Variants in ZMYM1 observed in about 807,000 individuals in gnomAD.
ZMYM1 encodes zinc finger MYM-type containing 1, also known as zinc finger MYM-type protein 1.
ZMYM1 carries 39 observed loss-of-function variants against 60.0 expected under a neutral mutation model. The ratio of observed to expected loss-of-function variants is 0.65; its 90% CI spans 0.50 to 0.85. The LOEUF (loss-of-function observed/expected upper bound fraction) is 0.85, where lower values mean the gene tolerates loss of function less well. ZMYM1 is among the 40% of genes least tolerant of loss of function. The probability of loss-of-function intolerance (pLI) is 0.00; values close to 1 mark genes in which losing one functional copy is unlikely to be tolerated. For missense variants in ZMYM1, 1,171 were observed against 1,309.5 expected (o/e 0.89, Z 1.63); for synonymous variants, 413 against 454.0 (o/e 0.91, Z 1.15).
At chr1:35,067,194 G>T (rs1298104120) in intron 1 of ZMYM1, among the ~76,000 whole-genome samples, 1 of 152,028 alleles carries the variant, frequency 6.6e-6, no homozygotes, top group Non-Finnish European at 1.5e-5. Context: ...GACCAGGTTG[G>T]TCTTGAACTC....
chr1:35,088,212 G>A (rs1021453103), intron 1 of ZMYM1, among the ~76,000 whole-genome samples: 8 of 151,866 alleles, frequency 5.3e-5, no homozygotes, highest in Non-Finnish European at 1.0e-4. Context: ...AAGGTCAGGT[G>A]ATCGAGACCA....
At chr1:35,109,381 AT>A (rs1456017346) in intron 6 of ZMYM1, among the ~76,000 whole-genome samples, 1 of 152,196 alleles carries the variant, frequency 6.6e-6, no homozygotes, top group Non-Finnish European at 1.5e-5. Context: ...ACTAGAAAGA[AT>A]AGGTGGTGAG....
At chr1:35,072,254 G>T (rs1157556839) in intron 1 of ZMYM1, among the ~76,000 whole-genome samples, 2 of 152,098 alleles carry the variant, frequency 1.3e-5, no homozygotes, top group African/African-American at 2.4e-5. Context: ...ACTCATTTTT[G>T]CTCTGTTCAG....
rs753654740 is a variant in ZMYM1 at position 35,113,631 on chromosome 1, A to G, written c.1801A>G (p.Thr601Ala). The change falls in exon 10 of 10, where the codon ACA becomes GCA. Residue 601 changes from threonine to alanine, a missense_variant. Transcript: ENST00000359858. ...GAGAGCAAAAGATAAAGGAGAAGAA[A>G]CATTTCGACTTATGAATTCACAAGT... ...EMRAKDKGEE[T>A]FRLMNSQVDF... 6.2e-7 allele frequency: 1 copy of G among 1,612,788 alleles called. No individual in the cohort carries two copies. The highest frequency in any genetic ancestry group is 2.2e-5 in the East Asian group (1 of 44,854).
At chr1:35,095,501 G>GAA (rs60070624) in intron 2 of ZMYM1, among the ~76,000 whole-genome samples, 2,173 of 107,900 alleles carry the variant, frequency 0.02, 47 homozygotes, top group African/African-American at 0.061. Flanking sequence ...AAAAAAAAAA[G>GAA]AAAAAAAAAA....
At chr1:35,073,338 A>AAGGAAGGAAGGAAGGAAGGAAGG (rs1553136867) in intron 1 of ZMYM1, among the ~76,000 whole-genome samples, 42 of 115,772 alleles carry the variant, frequency 3.6e-4, no homozygotes, top group East Asian at 3.4e-3. Flanking sequence ...AGAAAGAAAG[A>AAGGAAGGAAGGAAGGAAGGAAGG]AAGGAAGGAA....
chr1:35,113,225 G>A lies in ZMYM1; in HGVS notation c.1395G>A (p.Glu465=). ...SIKKSCCADF[E]CLENSKKDVA... ...AAAAATCTTGTTGTGCAGATTTTGA[G>A]TGTTTGGAAAACAGTAAAAAAGATG... Residue 465 remains glutamate, a synonymous_variant, in exon 10 of 10, where the codon GAG becomes GAA. Transcript: ENST00000359858. 6.2e-7 allele frequency: 1 copy of A among 1,613,410 alleles called. No individual in the cohort carries two copies. The highest frequency in any genetic ancestry group is 8.5e-7 in the Non-Finnish European group (1 of 1,179,414).
intron 6 of ZMYM1, among the ~76,000 whole-genome samples, chr1:35,106,838 T>TG (rs1553144581): frequency 1.9e-4 from 29 of 151,106 alleles, no homozygotes; most frequent in Non-Finnish European, 3.5e-4. Context: ...TGGGTTGTTT[T>TG]TTGTTGTTGT....
At chr1:35,091,192 C>A (rs967889520) in intron 1 of ZMYM1, among the ~76,000 whole-genome samples, 2 of 152,076 alleles carry the variant, frequency 1.3e-5, no homozygotes, top group East Asian at 3.9e-4. Context: ...GTTTGAGGGA[C>A]CTGTGGAACA....
chr1:35,102,176 T>G (rs1202582784), intron 4 of ZMYM1, among the ~76,000 whole-genome samples: 3 of 151,684 alleles, frequency 2.0e-5, no homozygotes, highest in Admixed American at 6.6e-5. Flanking sequence ...GGGAGTGTTT[T>G]AGTAGCCTTT....
intron 1 of ZMYM1, among the ~76,000 whole-genome samples, chr1:35,063,798 T>A (rs1445078901): frequency 6.6e-6 from 1 of 152,162 alleles, no homozygotes; most frequent in Admixed American, 6.5e-5. Context: ...CAAGTTTAGG[T>A]CACATGCTAA....
intron 2 of ZMYM1, among the ~76,000 whole-genome samples, chr1:35,095,321 A>G (rs911199924): frequency 2.6e-5 from 4 of 151,512 alleles, no homozygotes; most frequent in Non-Finnish European, 4.4e-5. Context: ...ACCATGGGCA[A>G]CATCTCCACT....
upstream of ZMYM1, among the ~76,000 whole-genome samples, chr1:35,074,962 G>C (rs780286940): frequency 1.3e-5 from 2 of 151,716 alleles, no homozygotes; most frequent in Non-Finnish European, 2.9e-5. Flanking sequence ...CTGGGTTTAC[G>C]CCATTCTCCT....
At chr1:35,089,001 A>G (rs1352833142) in intron 1 of ZMYM1, among the ~76,000 whole-genome samples, 1 of 151,396 alleles carries the variant, frequency 6.6e-6, no homozygotes, top group African/African-American at 2.4e-5. Flanking sequence ...TTTAGTGGAG[A>G]TGGGGTTTCA....
Position 35,110,312 on chromosome 1 carries a change from A to G in ZMYM1, c.826A>G (p.Ile276Val), listed in dbSNP as rs1644044495. The G allele has an allele frequency of 1.3e-6, 2 of 1,544,676 alleles. No homozygotes were observed. Among genetic ancestry groups the G allele is most frequent in the Non-Finnish European group, 1.7e-6 (2 of 1,151,556 alleles). ...AYKQKPAKPL[I>V]SVPCKPLKPS... Reference sequence around the variant, plus strand: ...TAAACAGAAACCTGCCAAACCACTTATATCTGTTCCTTGCAAACCATTGAA... The same window carrying G: ...TAAACAGAAACCTGCCAAACCACTTGTATCTGTTCCTTGCAAACCATTGAA... The change falls in exon 7 of 10, where the codon ATA becomes GTA. Residue 276 changes from isoleucine (I) to valine (V), a missense_variant. Physicochemically the swap from Ile to Val is conservative, Grantham distance 29 (BLOSUM62 3). Coordinates refer to ENST00000359858, the MANE Select transcript of ZMYM1 (RefSeq NM_024772.5).
At chr1:35,105,126 C>CTTTTTTT (rs1029051953) in intron 6 of ZMYM1, among the ~76,000 whole-genome samples, 18 of 96,544 alleles carry the variant, frequency 1.9e-4, no homozygotes, top group Admixed American at 3.5e-4. Flanking sequence ...TTATTTCTTT[C>CTTTTTTT]TTTTTTTTTT....
intron 6 of ZMYM1, among the ~76,000 whole-genome samples, chr1:35,106,559 A>G (rs986726988): frequency 1.4e-5 from 2 of 143,394 alleles, no homozygotes; most frequent in Non-Finnish European, 3.0e-5. Context: ...CAGTGAGCCG[A>G]GATGGCACCA....
At chr1:35,117,666 C>A (rs576236963), downstream of ZMYM1, among the ~76,000 whole-genome samples, 23 of 152,082 alleles carry the variant, frequency 1.5e-4, no homozygotes, top group African/African-American at 5.5e-4. Context: ...ACAGGCCTGG[C>A]GCAGTGGCTC....
At chr1:35,082,815 A>G (rs1057293190) in intron 1 of ZMYM1, among the ~76,000 whole-genome samples, 1 of 151,520 alleles carries the variant, frequency 6.6e-6, no homozygotes, top group Non-Finnish European at 1.5e-5. Context: ...CCCCGTCTCT[A>G]CTAATAATAC....
Sources: gnomAD v4.1 joint callset for allele counts (sites outside exome capture counted in the v4.1 genomes callset) on GRCh38, gnomAD v4.1.1 for gene constraint, MANE v1.5 for transcripts, NCBI Gene and HGNC (gene_info 2026-07-23, HGNC 2026-07-21) for gene names.